Variants in VAPA observed in about 807,000 individuals in gnomAD.
VAPA encodes VAMP associated protein A, also known as vesicle-associated membrane protein-associated protein A.
A neutral mutation model predicts 25.6 loss-of-function variants in VAPA; 6 were observed. The observed-to-expected ratio is 0.23, with a 90% confidence interval of 0.13 to 0.46. The LOEUF (loss-of-function observed/expected upper bound fraction) is 0.46, where lower values mean the gene tolerates loss of function less well. Among genes scored for constraint, VAPA ranks in the 20% least tolerant of loss-of-function variants. The pLI, the probability that VAPA is intolerant of heterozygous loss-of-function variation, is 0.99. For synonymous variants in VAPA, 112 were observed against 106.2 expected, an observed-to-expected ratio of 1.05 and a Z score of -0.34; for missense variants, 244 against 302.1, an observed-to-expected ratio of 0.81 and a Z score of 1.43.
intron 1 of VAPA, among the ~76,000 whole-genome samples, chr18:9,926,899 A>G (rs906118401): frequency 6.6e-6 from 1 of 152,146 alleles, no homozygotes; most frequent in Non-Finnish European, 1.5e-5. Context: ...GAAATGCTAG[A>G]GGCCCATGGA....
intron 1 of VAPA, among the ~76,000 whole-genome samples, chr18:9,916,928 C>T (rs1452912076): frequency 6.6e-6 from 1 of 152,152 alleles, no homozygotes; most frequent in Non-Finnish European, 1.5e-5. Context: ...CTTTTATACA[C>T]CTAACAAGCA....
At chr18:9,934,636 T>G (rs1392191999) in intron 2 of VAPA, among the ~76,000 whole-genome samples, 1 of 152,232 alleles carries the variant, frequency 6.6e-6, no homozygotes. Context: ...AGTGTAGAGA[T>G]ATATCTTAGA....
chr18:9,947,035 T>G (rs2069432197), intron 4 of VAPA, among the ~76,000 whole-genome samples: 1 of 152,230 alleles, frequency 6.6e-6, no homozygotes, highest in African/African-American at 2.4e-5. Context: ...TATCACTGCC[T>G]TCCACCTCCA....
At chr18:9,945,444 C>T (rs960645951) in intron 4 of VAPA, among the ~76,000 whole-genome samples, 12 of 143,560 alleles carry the variant, frequency 8.4e-5, no homozygotes, top group Admixed American at 5.2e-4. Context: ...ACTGCAACCT[C>T]TGCCTCCCCG....
chr18:9,917,324 A>G (rs1242936930), intron 1 of VAPA, among the ~76,000 whole-genome samples: 1 of 151,982 alleles, frequency 6.6e-6, no homozygotes, highest in Non-Finnish European at 1.5e-5. Flanking sequence ...TTATTTTTTG[A>G]GACGGAGTCT....
At chr18:9,932,102 C>T (rs780926198) in intron 2 of VAPA, 140 bp downstream of exon 2, 18 of 608,178 alleles carry the variant, frequency 3.0e-5, no homozygotes, top group Non-Finnish European at 4.9e-5. Flanking sequence ...TGTCTTGTTA[C>T]AGTACTCTGC....
intron 5 of VAPA, among the ~76,000 whole-genome samples, chr18:9,951,740 T>C (rs2069492501): frequency 6.6e-6 from 1 of 152,226 alleles, no homozygotes; most frequent in African/African-American, 2.4e-5. Context: ...ATGGGAGTTA[T>C]TTGATTATTC....
At chr18:9,932,051 G>A (rs2069260879) in intron 2 of VAPA, 89 bp downstream of exon 2, 4 of 919,928 alleles carry the variant, frequency 4.3e-6, no homozygotes, top group Non-Finnish European at 6.5e-6. Context: ...TCTGGAGGGA[G>A]GGAAATAATT....
chr18:9,952,267 A>G (rs1428623737), intron 5 of VAPA, among the ~76,000 whole-genome samples: 1 of 152,142 alleles, frequency 6.6e-6, no homozygotes, highest in East Asian at 1.9e-4. Flanking sequence ...GCTGCTGGAA[A>G]AGTAAAACAA....
chr18:9,942,085 C>T (rs1412581286), intron 4 of VAPA, among the ~76,000 whole-genome samples: 5 of 152,008 alleles, frequency 3.3e-5, no homozygotes, highest in Admixed American at 6.5e-5. Context: ...TAGTATTTAA[C>T]GTAGAACTCT....
intron 4 of VAPA, among the ~76,000 whole-genome samples, chr18:9,940,289 C>A (rs1233528995): frequency 1.3e-5 from 2 of 152,002 alleles, no homozygotes; most frequent in East Asian, 1.9e-4. Context: ...GTTTGTTTGA[C>A]CCTCATAGTC....
Position 9,914,315 on chromosome 18 carries a change from C to T in VAPA, c.59C>T (p.Pro20Leu). 1 of 1,585,050 alleles carries T rather than the reference C, an allele frequency of 6.3e-7. No homozygotes were observed. Among genetic ancestry groups the T allele is most frequent in the Non-Finnish European group, 8.6e-7 (1 of 1,167,304 alleles). The change falls in exon 1 of 6, where the codon CCC becomes CTC. Residue 20 changes from proline (P) to leucine (L), a missense_variant. By Grantham distance (98) the Pro-to-Leu change is moderately conservative. Coordinates refer to ENST00000400000, the MANE Select transcript of VAPA (RefSeq NM_194434.3). ...KHEQILVLDPPTDLKFKGPFT... is the reference protein window; with the variant it reads ...KHEQILVLDPLTDLKFKGPFT... ...GAGCAGATCCTGGTCCTCGATCCGC[C>T]CACAGACCTCAAATTCAAAGGTAGG...
At chr18:9,928,935 G>A (rs1236290879) in intron 1 of VAPA, among the ~76,000 whole-genome samples, 1 of 152,092 alleles carries the variant, frequency 6.6e-6, no homozygotes, top group Non-Finnish European at 1.5e-5. Context: ...TTGTTAAAAG[G>A]GCAAAATAAG....
intron 1 of VAPA, among the ~76,000 whole-genome samples, chr18:9,929,486 C>T (rs1215059096): frequency 6.6e-6 from 1 of 152,124 alleles, no homozygotes; most frequent in African/African-American, 2.4e-5. Flanking sequence ...CTGAACTCAG[C>T]TCTCCAACTC....
chr18:9,946,994 G>A (rs190298848), intron 4 of VAPA, among the ~76,000 whole-genome samples: 12 of 152,160 alleles, frequency 7.9e-5, no homozygotes, highest in African/African-American at 2.9e-4. Context: ...ACACACATTA[G>A]TCTAGGCCTG....
intron 4 of VAPA, among the ~76,000 whole-genome samples, chr18:9,945,643 C>T (rs1007071535): frequency 6.6e-6 from 1 of 152,072 alleles, no homozygotes; most frequent in Admixed American, 6.5e-5. Flanking sequence ...GGATTATAGG[C>T]GTGAGCCACC....
rs869151923 is a variant in VAPA at position 9,959,721 on chromosome 18, C to CAAAAAA, written c.*5531_*5536dup. On this transcript the variant is annotated 3_prime_UTR_variant, in exon 6 of 6. Transcript: ENST00000400000. ...AGAGAGTGAGTTACTGACATTGTTC[C>CAAAAAA]AAAAAAAAAAAAAAAAAAAAAAAAA... is the stretch of plus-strand genomic sequence containing the variant. 198 of 93,434 alleles carry CAAAAAA rather than the reference C, an allele frequency of 2.1e-3. 9 individuals are homozygous for CAAAAAA. The highest frequency in any genetic ancestry group is 3.1e-3 in the Non-Finnish European group (150 of 48,110). The allele number at this position is 93,434 out of a possible 1,614,324, so 5.8% of individuals were successfully genotyped here.
intron 4 of VAPA, among the ~76,000 whole-genome samples, chr18:9,946,651 T>G (rs1414769361): frequency 6.6e-6 from 1 of 151,980 alleles, no homozygotes; most frequent in Non-Finnish European, 1.5e-5. Flanking sequence ...TATACTTGCA[T>G]AGGGCACTTA....
At position 9,959,946 on chromosome 18, in the gene VAPA, C is replaced by T. The variant is rs1382603016; in HGVS notation, c.*5735C>T. ...ATAAATATATGAGGGTATTAAGCTA[C>T]TTTGAATTAAATTTAAGGATATATT... On this transcript the variant is annotated 3_prime_UTR_variant, in exon 6 of 6. Coordinates refer to ENST00000400000, the MANE Select transcript of VAPA (RefSeq NM_194434.3). 1 of 151,854 alleles carries T rather than the reference C, an allele frequency of 6.6e-6. No homozygotes were observed. The highest frequency in any genetic ancestry group is 1.5e-5 in the Non-Finnish European group (1 of 67,972). The allele number at this position is 151,854 out of a possible 1,614,324, so 9.4% of individuals were successfully genotyped here.
Sources: allele counts gnomAD v4.1 joint callset (sites outside exome capture counted in the v4.1 genomes callset), GRCh38; gene constraint gnomAD v4.1.1; transcripts MANE v1.5; gene names NCBI Gene and HGNC (gene_info 2026-07-23, HGNC 2026-07-21).